RSPH14: variants seen among roughly 807,000 people sequenced by gnomAD.
RSPH14 encodes rhabdoid tumor deletion region gene 1.
A neutral mutation model predicts 26.7 loss-of-function variants in RSPH14; 20 were observed. The observed-to-expected ratio is 0.75, with a 90% CI of 0.53 to 1.09. The LOEUF is 1.09. RSPH14 is among the 50% of genes least tolerant of loss of function. The probability of loss-of-function intolerance (pLI) is 0.00; values close to 1 mark genes in which losing one functional copy is unlikely to be tolerated. For synonymous variants in RSPH14, 177 were observed against 189.3 expected, an observed-to-expected ratio of 0.93 and a Z score of 0.53; for missense variants, 449 against 457.2, an observed-to-expected ratio of 0.98 and a Z score of 0.16.
chr22:23,172,026 T>C, the RSPH14 span, among the ~76,000 whole-genome samples: 1 of 152,150 alleles, frequency 6.6e-6, no homozygotes, highest in Non-Finnish European at 1.5e-5. Flanking sequence ...ATGCATTTTA[T>C]ATCCATCTGT....
rs1239657079 is a variant in RSPH14, at chr22:23,071,621, T to C, written c.422-7488A>G. ...GACGCTGGGGTGCACCGGGTGGGAGTGGACTGGGCCTGCCCTCCCAGGACT... is the reference window on the plus strand; with the variant it reads ...GACGCTGGGGTGCACCGGGTGGGAGCGGACTGGGCCTGCCCTCCCAGGACT... On this transcript the variant is annotated intron_variant, in intron 4 of 6. Coordinates refer to ENST00000216036, the MANE Select transcript of RSPH14 (RefSeq NM_014433.3). The surrounding 1 kb of genome is among the most constrained non-coding windows in gnomAD (Gnocchi z 4.1). Among the ~76,000 whole-genome samples the C allele has an allele frequency of 6.6e-6, 1 of 151,766 alleles. No homozygotes were observed. Among genetic ancestry groups the C allele is most frequent in the Admixed American group, 6.6e-5 (1 of 15,248 alleles).
At chr22:23,116,967 C>T (rs770770476) in intron 4 of RSPH14, among the ~76,000 whole-genome samples, 1 of 152,224 alleles carries the variant, frequency 6.6e-6, no homozygotes, top group African/African-American at 2.4e-5. Context: ...GGCCCATGAG[C>T]TCTCAGACCA....
At chr22:23,094,545 GC>G (rs1303959897) in intron 4 of RSPH14, among the ~76,000 whole-genome samples, 1 of 152,218 alleles carries the variant, frequency 6.6e-6, no homozygotes, top group Non-Finnish European at 1.5e-5. Context: ...ACCACGTGCA[GC>G]CCCCAGCTCC....
upstream of RSPH14, among the ~76,000 whole-genome samples, chr22:23,142,850 A>G (rs534999160): frequency 5.2e-4 from 79 of 152,354 alleles, 1 homozygote; most frequent in South Asian, 1.9e-3. Context: ...CTCAGGGCTG[A>G]GTCCAAACTC....
At chr22:23,124,368 G>A (rs1478878430) in intron 4 of RSPH14, 1 of 463,882 alleles carries the variant, frequency 2.2e-6, no homozygotes. Context: ...GAGTGTAAAA[G>A]TTGTTATCTG....
At chr22:23,145,446 TCGTGTAGCCCGCAGGTCCCG>T, upstream of RSPH14, 1 of 1,610,758 alleles carries the variant, frequency 6.2e-7, no homozygotes, top group South Asian at 1.1e-5. Context: ...CGTCGACGAT[TCGTGTAGCCCGCAGGTCCCG>T]CGTGGCTCTC....
At chr22:23,130,117 AAG>A (rs1491193421) in intron 4 of RSPH14, among the ~76,000 whole-genome samples, 7 of 115,560 alleles carry the variant, frequency 6.1e-5, no homozygotes, top group Non-Finnish European at 9.2e-5. Context: ...GAAAGAAAGA[AAG>A]AAAGAAAGAA....
intron 4 of RSPH14, among the ~76,000 whole-genome samples, chr22:23,103,031 G>A (rs1191132419): frequency 1.3e-5 from 2 of 152,158 alleles, no homozygotes; most frequent in African/African-American, 4.8e-5. Context: ...AGTTCTCTTC[G>A]GCACCATGCC....
chr22:23,165,957 T>C, the RSPH14 span, among the ~76,000 whole-genome samples: 17 of 151,966 alleles, frequency 1.1e-4, no homozygotes, highest in Admixed American at 2.0e-4. Flanking sequence ...CCATCCTGGC[T>C]AACATGGTGA....
chr22:23,143,124 G>A (rs1364890887), upstream of RSPH14, among the ~76,000 whole-genome samples: 2 of 151,920 alleles, frequency 1.3e-5, no homozygotes, highest in Admixed American at 6.6e-5. Context: ...AAAAATAGTG[G>A]CCTCAGAAAG....
the RSPH14 span, among the ~76,000 whole-genome samples, chr22:23,178,941 G>A: frequency 7.9e-5 from 12 of 152,168 alleles, no homozygotes; most frequent in South Asian, 2.1e-4. Flanking sequence ...GGAGTCTGAT[G>A]AGCACAAAAT....
At position 23,080,414 on chromosome 22, in the gene RSPH14, G is replaced by C. The variant is rs527337054; in HGVS notation, c.422-16281C>G. ...CCTTCCTTTAGCAGAAGGACACTGGGAGGCCCAGCCGGGGCATAGCCTGGG... is the reference window on the plus strand; with the variant it reads ...CCTTCCTTTAGCAGAAGGACACTGGCAGGCCCAGCCGGGGCATAGCCTGGG... On this transcript the variant is annotated intron_variant, in intron 4 of 6. Transcript: ENST00000216036. Among the ~76,000 whole-genome samples the C allele has an allele frequency of 1.3e-3, 200 of 152,334 alleles. 1 individual carries two copies. Among genetic ancestry groups the C allele is most frequent in the Non-Finnish European group, 2.3e-3 (156 of 68,026 alleles).
Position 23,071,676 on chromosome 22 carries a change from C to T in RSPH14, c.422-7543G>A, listed in dbSNP as rs1446291215. On this transcript the variant is annotated intron_variant, in intron 4 of 6. Transcript: ENST00000216036. The surrounding 1 kb of genome is among the most constrained non-coding windows in gnomAD (Gnocchi z 4.1). Reference sequence around the variant, plus strand: ...GACCACCGCATAGGGGAAAACGTCTCTACTCGACCAACCCCGCTTGAGTGC... The same window carrying T: ...GACCACCGCATAGGGGAAAACGTCTTTACTCGACCAACCCCGCTTGAGTGC... Among the ~76,000 whole-genome samples the T allele has an allele frequency of 6.6e-6, 1 of 152,198 alleles. No individual in the cohort carries two copies. The highest frequency in any genetic ancestry group is 2.4e-5 in the African/African-American group (1 of 41,438).
At chr22:23,171,844 AAAAAAAAAAAC>A in the RSPH14 span, among the ~76,000 whole-genome samples, 1 of 83,736 alleles carries the variant, frequency 1.2e-5, no homozygotes, top group East Asian at 4.1e-4. Flanking sequence ...CTCTGTCTCA[AAAAAAAAAAAC>A]AAAAAAAAAA....
rs1001255152 is a variant in RSPH14 at position 23,059,577 on chromosome 22, G to T, written c.932C>A (p.Thr311Lys). 3.1e-6 allele frequency: 5 copies of T among 1,614,192 alleles called. No individual in the cohort carries two copies. Among genetic ancestry groups the T allele is most frequent in the Non-Finnish European group, 1.7e-6 (2 of 1,180,016 alleles). The change falls in exon 7 of 7, where the codon ACG becomes AAG. Residue 311 changes from threonine to lysine, a missense_variant. By Grantham distance (78) the Thr-to-Lys change is moderately conservative. Transcript: ENST00000216036. ...EAPEGRKALQ[T>K]HVPTFRAMEV... ...CATGGCACGGAAAGTGGGCACGTGC[G>T]TCTGCAGGGCCTTGCGGCCCTCGGG...
chr22:23,156,078 G>T, the RSPH14 span: 4 of 1,537,936 alleles, frequency 2.6e-6, no homozygotes, highest in East Asian at 2.4e-5. Flanking sequence ...CAGCAGCGGG[G>T]TCCCTGCCGG....
At chr22:23,160,536 C>T in the RSPH14 span, among the ~76,000 whole-genome samples, 1 of 152,200 alleles carries the variant, frequency 6.6e-6, no homozygotes, top group South Asian at 2.1e-4. Context: ...GTCCTGAGTT[C>T]CACATCTTCC....
chr22:23,180,122 G>T, the RSPH14 span: 1 of 258,718 alleles, frequency 3.9e-6, no homozygotes. Context: ...TCTTGTCCCG[G>T]AACATGAGGT....
chr22:23,153,113 G>C, the RSPH14 span: 1 of 1,614,018 alleles, frequency 6.2e-7, no homozygotes. Context: ...GAGATTGCTG[G>C]GATTCCCTAT....
Sources: allele counts gnomAD v4.1 joint callset (sites outside exome capture counted in the v4.1 genomes callset), GRCh38; gene constraint gnomAD v4.1.1; non-coding constraint Gnocchi (gnomAD v3.1); transcripts MANE v1.5; gene names NCBI Gene and HGNC (gene_info 2026-07-23, HGNC 2026-07-21).